The following CD82 variants were observed in gnomAD, a reference collection of about 807,000 sequenced individuals.
The protein encoded by CD82 is CD82 antigen.
Under a neutral mutation model 37.4 loss-of-function variants are expected in CD82, and 36 were observed. The observed-to-expected ratio is 0.96, with a 90% CI of 0.74 to 1.27. The LOEUF (loss-of-function observed/expected upper bound fraction) is 1.27, where lower values mean the gene tolerates loss of function less well. Ranked by LOEUF, CD82 falls within the 50% of genes most tolerant of loss-of-function variation. The probability of loss-of-function intolerance (pLI) is 0.00; values close to 1 mark genes in which losing one functional copy is unlikely to be tolerated. For missense variants in CD82, 340 were observed against 347.0 expected (o/e 0.98, Z 0.16); for synonymous variants, 158 against 137.4 (o/e 1.15, Z -1.05).
At chr11:44,581,757 G>T (rs1036367843) in intron 1 of CD82, among the ~76,000 whole-genome samples, 1 of 152,228 alleles carries the variant, frequency 6.6e-6, no homozygotes, top group Non-Finnish European at 1.5e-5. Flanking sequence ...AGGCCCTCTG[G>T]ATCATGAGCT....
intron 7 of CD82, among the ~76,000 whole-genome samples, chr11:44,617,554 G>T (rs897748930): frequency 2.6e-4 from 25 of 97,256 alleles, no homozygotes; most frequent in Non-Finnish European, 3.9e-4. Context: ...GCAAGACTCT[G>T]TCTCAGAAAA....
intron 9 of CD82, 43 bp from the exon 10 acceptor site, chr11:44,619,006 C>A: frequency 1.3e-6 from 2 of 1,544,494 alleles, no homozygotes; most frequent in Non-Finnish European, 1.8e-6. Context: ...CGTCTGAGGC[C>A]GGGACACCCA....
chr11:44,594,417 T>C (rs1853191309), intron 2 of CD82, among the ~76,000 whole-genome samples: 1 of 129,838 alleles, frequency 7.7e-6, no homozygotes, highest in African/African-American at 3.0e-5. Flanking sequence ...CCAGCCCCAG[T>C]GCAGTGGCTG....
At chr11:44,588,953 GTA>G (rs1194192019) in intron 2 of CD82, among the ~76,000 whole-genome samples, 1 of 152,210 alleles carries the variant, frequency 6.6e-6, no homozygotes, top group African/African-American at 2.4e-5. Context: ...CTGGTGTCAA[GTA>G]TAACATAAGA....
At chr11:44,607,499 G>T (rs1026425077) in intron 6 of CD82, among the ~76,000 whole-genome samples, 8 of 152,192 alleles carry the variant, frequency 5.3e-5, no homozygotes, top group Non-Finnish European at 2.9e-5. Flanking sequence ...CCAGGCCCCA[G>T]TGAGCCGGTT....
intron 1 of CD82, 145 bp from the exon 2 acceptor site, chr11:44,587,330 G>T (rs79223432): frequency 2.4e-6 from 1 of 421,698 alleles, no homozygotes; most frequent in South Asian, 1.7e-5. Flanking sequence ...TGAGCCTGTG[G>T]GGGGAAGAGG....
intron 6 of CD82, among the ~76,000 whole-genome samples, chr11:44,612,092 G>C (rs541544358): frequency 2.9e-4 from 44 of 152,372 alleles, no homozygotes; most frequent in African/African-American, 1.1e-3. Context: ...CACTGGGGTT[G>C]AGAGGTGGAC....
chr11:44,600,293 T>C, intron 4 of CD82, 63 bp downstream of exon 4: 1 of 1,477,444 alleles, frequency 6.8e-7, no homozygotes, highest in Non-Finnish European at 9.5e-7. Flanking sequence ...AGGGCGCAGA[T>C]ACAGCTGCTC....
Position 44,618,845 on chromosome 11 carries a change from C to T in CD82, c.726+122C>T, listed in dbSNP as rs1853611724. On this transcript the variant is annotated intron_variant, in intron 9 of 9. Transcript: ENST00000227155. ...AGCACCCCATCAGCTTCCAGAGGCC[C>T]TCTGGTCTGAGCACTGTCTGGCTGT... 3 of 904,696 alleles carry T rather than the reference C, an allele frequency of 3.3e-6. No homozygotes were observed. The Admixed American group carries it at 6.6e-5, about 20-fold the overall frequency. The allele number at this position is 904,696 out of a possible 1,614,324, so 56.0% of individuals were successfully genotyped here.
intron 6 of CD82, among the ~76,000 whole-genome samples, chr11:44,613,336 C>T (rs773637049): frequency 5.3e-5 from 8 of 152,342 alleles, no homozygotes; most frequent in Non-Finnish European, 1.2e-4. Flanking sequence ...GCCTGCTTAT[C>T]GCCGAGGGAG....
intron 6 of CD82, among the ~76,000 whole-genome samples, chr11:44,610,652 G>A (rs898129150): frequency 2.0e-5 from 3 of 152,016 alleles, no homozygotes; most frequent in African/African-American, 7.3e-5. Context: ...ACAGATCAAG[G>A]TCTGGTCATG....
intron 1 of CD82, among the ~76,000 whole-genome samples, chr11:44,578,171 A>G (rs1852926194): frequency 6.6e-6 from 1 of 152,052 alleles, no homozygotes; most frequent in Non-Finnish European, 1.5e-5. Flanking sequence ...TTACATATCA[A>G]TTTTCCTACT....
chr11:44,598,437 A>G, intron 3 of CD82, among the ~76,000 whole-genome samples: 2 of 23,116 alleles, frequency 8.7e-5, no homozygotes, highest in African/African-American at 1.4e-4. Context: ...TTTGAGACGG[A>G]GTCTCACTCT....
chr11:44,592,903 C>T (rs1224035455), intron 2 of CD82, among the ~76,000 whole-genome samples: 1 of 152,156 alleles, frequency 6.6e-6, no homozygotes, highest in African/African-American at 2.4e-5. Flanking sequence ...GCTTCCATGC[C>T]GCTTGTGATG....
At chr11:44,565,126 T>TGG, upstream of CD82, among the ~76,000 whole-genome samples, 1 of 152,030 alleles carries the variant, frequency 6.6e-6, no homozygotes, top group Admixed American at 6.5e-5. Flanking sequence ...AATGCCAGCG[T>TGG]GGGGGCCCCA....
In CD82 at chr11:44,605,343, C is replaced by G. The variant is rs1054978193; in HGVS notation, c.262-12C>G. The G allele has an allele frequency of 6.2e-7, 1 of 1,614,196 alleles. No individual in the cohort carries two copies. Among genetic ancestry groups the G allele is most frequent in the South Asian group, 1.1e-5 (1 of 91,088 alleles). Reference sequence around the variant, plus strand: ...ACCCTCAGCTGACTTTGTGCCTGCTCTGTGTCCCCAGTACTTTGCTTTCCT... The same window carrying G: ...ACCCTCAGCTGACTTTGTGCCTGCTGTGTGTCCCCAGTACTTTGCTTTCCT... On this transcript the variant is annotated splice_polypyrimidine_tract_variant and intron_variant, in intron 5 of 9. Transcript: ENST00000227155.
At chr11:44,588,882 T>C (rs913708011) in intron 2 of CD82, among the ~76,000 whole-genome samples, 1 of 152,252 alleles carries the variant, frequency 6.6e-6, no homozygotes, top group African/African-American at 2.4e-5. Flanking sequence ...CAAACTGATT[T>C]GGCATAAAAT....
chr11:44,579,417 G>A (rs1379757885), intron 1 of CD82, among the ~76,000 whole-genome samples: 4 of 152,022 alleles, frequency 2.6e-5, no homozygotes, highest in East Asian at 1.9e-4. Flanking sequence ...CTTCCAGGCC[G>A]GCCTCACCGC....
At position 44,580,234 on chromosome 11, in the gene CD82, C is replaced by A. The variant is rs554489722; in HGVS notation, c.-102-7241C>A. 3.5e-4 allele frequency among the ~76,000 whole-genome samples: 53 copies of A among 152,312 alleles called. 2 individuals are homozygous for A. In the South Asian group the frequency reaches 0.011, roughly 31 times the overall value. ...CGGCCCATCTCTCTGTGTTTTCACC[C>A]AAGGATCTATGGAGACAGAGTCCCT... On this transcript the variant is annotated intron_variant, in intron 1 of 9. Transcript: ENST00000227155.
Sources: gnomAD v4.1 joint callset for allele counts (sites outside exome capture counted in the v4.1 genomes callset) on GRCh38, gnomAD v4.1.1 for gene constraint, MANE v1.5 for transcripts, NCBI Gene and HGNC (gene_info 2026-07-23, HGNC 2026-07-21) for gene names.